Variants in DOK6 observed in about 807,000 individuals in gnomAD.
DOK6 encodes downstream of tyrosine kinase 6.
Under a neutral mutation model 44.0 loss-of-function variants are expected in DOK6, and 22 were observed. That is an observed-to-expected ratio of 0.50 (90% CI 0.36 to 0.71). DOK6 has a LOEUF of 0.71. Among genes scored for constraint, DOK6 ranks in the 30% least tolerant of loss-of-function variants. DOK6 has a pLI of 0.00. For missense variants in DOK6, 340 were observed against 416.4 expected (o/e 0.82, Z 1.60); for synonymous variants, 166 against 145.5 (o/e 1.14, Z -1.01).
intron 7 of DOK6, among the ~76,000 whole-genome samples, chr18:69,787,623 G>C (rs1046501146): frequency 6.6e-6 from 1 of 152,096 alleles, no homozygotes; most frequent in Non-Finnish European, 1.5e-5. Context: ...GGGAAAGCCA[G>C]CTCATTCCTA....
chr18:69,661,174 G>A (rs1021332004), intron 3 of DOK6: 2 of 152,214 alleles, frequency 1.3e-5, no homozygotes, highest in African/African-American at 4.8e-5. Context: ...AAGCTAGGAT[G>A]TCCAAGATCA....
chr18:69,804,390 T>G (rs1283715468), intron 7 of DOK6, among the ~76,000 whole-genome samples: 1 of 152,214 alleles, frequency 6.6e-6, no homozygotes, highest in Non-Finnish European at 1.5e-5. Flanking sequence ...GACAAATGGT[T>G]TAATTCTTCA....
intron 5 of DOK6, among the ~76,000 whole-genome samples, chr18:69,718,134 T>C (rs529318590): frequency 1.7e-4 from 26 of 152,182 alleles, no homozygotes; most frequent in Non-Finnish European, 2.1e-4. Context: ...GGAATCCACA[T>C]TGAGTCTTAG....
chr18:69,605,638 T>C (rs540823382), intron 3 of DOK6, among the ~76,000 whole-genome samples: 1 of 152,068 alleles, frequency 6.6e-6, no homozygotes, highest in Non-Finnish European at 1.5e-5. Flanking sequence ...ATCTAAAGAA[T>C]AAAAATTATA....
intron 1 of DOK6, among the ~76,000 whole-genome samples, chr18:69,448,978 C>A (rs1272220918): frequency 6.6e-6 from 1 of 152,114 alleles, no homozygotes; most frequent in Non-Finnish European, 1.5e-5. Flanking sequence ...AATCTGGATA[C>A]TTTGAAAGTA....
intron 2 of DOK6, among the ~76,000 whole-genome samples, chr18:69,584,709 A>G (rs1387803564): frequency 6.6e-6 from 1 of 152,110 alleles, no homozygotes; most frequent in Non-Finnish European, 1.5e-5. Context: ...AATGTTTGGT[A>G]AATTCAATTA....
At chr18:69,674,739 G>A (rs1985882722) in intron 3 of DOK6, among the ~76,000 whole-genome samples, 1 of 151,888 alleles carries the variant, frequency 6.6e-6, no homozygotes, top group Non-Finnish European at 1.5e-5. Flanking sequence ...CTGAGCCTTT[G>A]GCATAGCTCC....
chr18:69,713,226 G>T (rs1237092626), intron 5 of DOK6, among the ~76,000 whole-genome samples: 2 of 152,282 alleles, frequency 1.3e-5, no homozygotes, highest in South Asian at 2.1e-4. Context: ...ATGAAAGGTA[G>T]AACTTGTGAC....
chr18:69,618,267 T>C (rs940967439), intron 3 of DOK6, among the ~76,000 whole-genome samples: 4 of 152,320 alleles, frequency 2.6e-5, no homozygotes, highest in African/African-American at 4.8e-5. Context: ...CCTAGGAAAC[T>C]AATATAGAGC....
chr18:69,504,474 G>T (rs941549918), intron 1 of DOK6, among the ~76,000 whole-genome samples: 1 of 152,040 alleles, frequency 6.6e-6, no homozygotes, highest in Admixed American at 6.5e-5. Flanking sequence ...TTCTGAGCCT[G>T]CTTCTCTAGT....
intron 3 of DOK6, among the ~76,000 whole-genome samples, chr18:69,626,358 A>G (rs547642166): frequency 1.3e-5 from 2 of 152,234 alleles, no homozygotes; most frequent in Admixed American, 6.5e-5. Context: ...GTCCATTCAC[A>G]TTTGCTCCTG....
intron 1 of DOK6, among the ~76,000 whole-genome samples, chr18:69,520,661 A>G (rs868615663): frequency 4.6e-5 from 7 of 151,944 alleles, no homozygotes; most frequent in Non-Finnish European, 1.0e-4. Context: ...ATGAATGTAA[A>G]ACATAAATAA....
intron 4 of DOK6, among the ~76,000 whole-genome samples, chr18:69,687,648 C>T (rs1014810127): frequency 2.6e-5 from 4 of 152,294 alleles, no homozygotes; most frequent in African/African-American, 9.6e-5. Flanking sequence ...CGCCACTGCA[C>T]TGCAGCCTGG....
intron 7 of DOK6, among the ~76,000 whole-genome samples, chr18:69,781,712 A>T (rs986662499): frequency 1.3e-5 from 2 of 152,206 alleles, no homozygotes; most frequent in African/African-American, 2.4e-5. Context: ...ATTTTCATAT[A>T]TTGAAATCAT....
intron 6 of DOK6, 43 bp from the exon 7 acceptor site, chr18:69,757,713 A>G: frequency 6.5e-7 from 1 of 1,530,112 alleles, no homozygotes; most frequent in South Asian, 1.1e-5. Flanking sequence ...TTTCAGTTTA[A>G]TATTTTAAAA....
intron 7 of DOK6, among the ~76,000 whole-genome samples, chr18:69,829,768 T>C (rs1942997): frequency 0.022 from 3,260 of 150,976 alleles, 83 homozygotes; most frequent in East Asian, 0.087. Flanking sequence ...ATACTTTCTA[T>C]AGGAAAAAAA....
At chr18:69,826,003 T>C (rs1321887943) in intron 7 of DOK6, among the ~76,000 whole-genome samples, 1 of 152,186 alleles carries the variant, frequency 6.6e-6, no homozygotes, top group African/African-American at 2.4e-5. Flanking sequence ...GTTAACATTT[T>C]GGAGGTCAGT....
intron 3 of DOK6, among the ~76,000 whole-genome samples, chr18:69,640,372 C>T (rs767759927): frequency 2.6e-5 from 4 of 152,120 alleles, no homozygotes; most frequent in Non-Finnish European, 2.9e-5. Flanking sequence ...ATGAGAGGTA[C>T]AATTGTATAA....
intron 1 of DOK6, among the ~76,000 whole-genome samples, chr18:69,481,124 G>T (rs993205829): frequency 1.3e-5 from 2 of 152,184 alleles, no homozygotes; most frequent in Admixed American, 1.3e-4. Flanking sequence ...GAGAAGGACA[G>T]AAATGGCCAA....
Sources: gnomAD v4.1 joint callset for allele counts (sites outside exome capture counted in the v4.1 genomes callset) on GRCh38, gnomAD v4.1.1 for gene constraint, MANE v1.5 for transcripts, NCBI Gene and HGNC (gene_info 2026-07-23, HGNC 2026-07-21) for gene names.